Variants in PML observed in about 807,000 individuals in gnomAD.
The protein encoded by PML is PML nuclear body scaffold, also known as protein PML.
PML carries 28 observed loss-of-function variants against 65.2 expected under a neutral mutation model. That is an observed-to-expected ratio of 0.43 (90% CI 0.32 to 0.59). PML has a LOEUF of 0.59. Among genes scored for constraint, PML ranks in the 20% least tolerant of loss-of-function variants. PML has a pLI of 0.08. For missense variants in PML, 1,021 were observed against 1,203.4 expected (o/e 0.85, Z 2.24); for synonymous variants, 500 against 508.8 (o/e 0.98, Z 0.23).
At chr15:73,997,859 G>C in intron 1 of PML, 145 bp from the exon 2 acceptor site, 1 of 724,180 alleles carries the variant, frequency 1.4e-6, no homozygotes, top group East Asian at 2.7e-5. Context: ...TTGGGGTGCT[G>C]ATAAGCCAGG....
intron 4 of PML, chr15:74,028,102 G>A (rs373334757): frequency 6.6e-6 from 1 of 152,240 alleles, no homozygotes; most frequent in African/African-American, 2.4e-5. Context: ...TTTGGGTGGG[G>A]TGGCAGCAGC....
chr15:74,010,411 G>A (rs1451256782), intron 2 of PML, among the ~76,000 whole-genome samples: 9 of 151,054 alleles, frequency 6.0e-5, no homozygotes, highest in Non-Finnish European at 1.0e-4. Flanking sequence ...CAGCTACTAG[G>A]GAGACTGAGG....
intron 2 of PML, among the ~76,000 whole-genome samples, chr15:74,019,835 C>T (rs939582696): frequency 2.0e-5 from 3 of 152,162 alleles, no homozygotes; most frequent in African/African-American, 7.2e-5. Flanking sequence ...GGAGAATTTT[C>T]CTTATCAGTA....
At chr15:74,012,723 A>G (rs1021972215) in intron 2 of PML, among the ~76,000 whole-genome samples, 1 of 152,236 alleles carries the variant, frequency 6.6e-6, no homozygotes, top group African/African-American at 2.4e-5. Flanking sequence ...TTCCATGTCA[A>G]TAGGACTGTA....
chr15:74,033,471 C>T lies in PML; in HGVS notation c.1657+57C>T, dbSNP rs532693532. The T allele has an allele frequency of 1.5e-5, 24 of 1,595,192 alleles. No individual in the cohort carries two copies. In the African/African-American group the frequency reaches 3.1e-4, roughly 20 times the overall value. Reference sequence around the variant, plus strand: ...GCTGCCCGCCAGGGTCTGGGCGGTGCCCCTCTTCTGTATTTTGGCCCCATC... The same window carrying T: ...GCTGCCCGCCAGGGTCTGGGCGGTGTCCCTCTTCTGTATTTTGGCCCCATC... On this transcript the variant is annotated intron_variant, in intron 6 of 8. Coordinates refer to ENST00000268058, the MANE Select transcript of PML (RefSeq NM_033238.3).
intron 2 of PML, among the ~76,000 whole-genome samples, chr15:74,014,268 A>G (rs759963377): frequency 2.0e-5 from 3 of 152,182 alleles, no homozygotes; most frequent in Non-Finnish European, 4.4e-5. Context: ...TTTAGGAGCC[A>G]GCATTCTGCC....
At position 74,043,149 on chromosome 15, in the gene PML, C is replaced by T. The variant is rs756193172; in HGVS notation, c.1861+10C>T. 5.6e-6 allele frequency: 9 copies of T among 1,613,776 alleles called. No homozygotes were observed. The stretch of plus-strand genomic sequence containing the variant: ...AAGATTGACAATGAAAGTGGGTTCT[C>T]CTGGGGCTACCCCCACCCCTTTCTA... On this transcript the variant is annotated intron_variant, in intron 8 of 8. Coordinates refer to ENST00000268058, the MANE Select transcript of PML (RefSeq NM_033238.3). This position sits in a 1 kb window ranked among gnomAD's most constrained non-coding sequence, Gnocchi z 4.3.
intron 7 of PML, chr15:74,036,959 G>C: frequency 1.0e-6 from 1 of 985,298 alleles, no homozygotes; most frequent in South Asian, 4.7e-5. Flanking sequence ...CCAGCCCCGC[G>C]CACTCCCCAT....
rs1264687535 is a variant in PML at position 74,035,230 on chromosome 15, C to T, written c.1710+700C>T. On this transcript the variant is annotated intron_variant, in intron 7 of 8. Transcript: ENST00000268058. This position sits in a 1 kb window ranked among gnomAD's most constrained non-coding sequence, Gnocchi z 4.1. The stretch of plus-strand genomic sequence containing the variant: ...TCCTCGCCAGCCCACTCCTCGCCAG[C>T]CCACTCCTCGCCAGCCCACTCCTCG... 9 of 1,585,256 alleles carry T rather than the reference C, an allele frequency of 5.7e-6. No individual in the cohort carries two copies. Among genetic ancestry groups the T allele is most frequent in the Admixed American group, 1.7e-5 (1 of 59,946 alleles).
rs1381398033 is a variant in PML at position 74,043,679 on chromosome 15, A to G, written c.1861+540A>G. 6 of 530,544 alleles carry G rather than the reference A, an allele frequency of 1.1e-5. No individual in the cohort carries two copies. The highest frequency in any genetic ancestry group is 2.2e-5 in the Non-Finnish European group (6 of 267,390). The allele number at this position is 530,544 out of a possible 1,614,324, so 32.9% of individuals were successfully genotyped here. On this transcript the variant is annotated intron_variant, in intron 8 of 8. Coordinates refer to ENST00000268058, the MANE Select transcript of PML (RefSeq NM_033238.3). This position sits in a 1 kb window ranked among gnomAD's most constrained non-coding sequence, Gnocchi z 4.3. Reference sequence around the variant, plus strand: ...AGAGCCCCAGGCCCTACCCTGTGGCATGGACTCAACATTGGGGCTAGCCCA... The same window carrying G: ...AGAGCCCCAGGCCCTACCCTGTGGCGTGGACTCAACATTGGGGCTAGCCCA...
At chr15:74,040,394 A>C (rs1196665658) in intron 7 of PML, among the ~76,000 whole-genome samples, 1 of 152,006 alleles carries the variant, frequency 6.6e-6, no homozygotes, top group Non-Finnish European at 1.5e-5. Context: ...CTTCCAAGCA[A>C]ATCTAAGTCT....
intron 4 of PML, chr15:74,027,755 G>A (rs997779921): frequency 1.3e-5 from 2 of 152,242 alleles, no homozygotes; most frequent in Non-Finnish European, 2.9e-5. Context: ...CTAGGAAGCA[G>A]TTTGAACTTG....
intron 2 of PML, among the ~76,000 whole-genome samples, chr15:74,006,061 G>A (rs1169677641): frequency 6.6e-6 from 1 of 152,096 alleles, no homozygotes; most frequent in Non-Finnish European, 1.5e-5. Context: ...GTCCAGCTAG[G>A]TCCCTGTAAA....
intron 2 of PML, among the ~76,000 whole-genome samples, chr15:73,999,630 T>C (rs2069666774): frequency 6.6e-6 from 1 of 152,202 alleles, no homozygotes; most frequent in Non-Finnish European, 1.5e-5. Context: ...GTTGTTGTTG[T>C]TTCCGTTGAG....
In PML at chr15:74,035,301, T is replaced by C; in HGVS notation, c.1710+771T>C. The C allele has an allele frequency of 6.2e-7, 1 of 1,613,108 alleles. No individual in the cohort carries two copies. Among genetic ancestry groups the C allele is most frequent in the Non-Finnish European group, 8.5e-7 (1 of 1,179,950 alleles). On this transcript the variant is annotated intron_variant, in intron 7 of 8. Transcript: ENST00000268058. The surrounding 1 kb of genome is among the most constrained non-coding windows in gnomAD (Gnocchi z 4.1). ...AGCACAAGGAGCCTCCAGCCTGCCC[T>C]GTGGCACATACCACCCCCCAGCTTG...
At chr15:74,034,354 C>A in intron 6 of PML, 124 bp from the exon 7 acceptor site, 1 of 1,234,308 alleles carries the variant, frequency 8.1e-7, no homozygotes, top group Non-Finnish European at 1.2e-6. Flanking sequence ...TGTTCCCGTC[C>A]CCCTGCAGGG....
At chr15:74,010,889 G>C (rs1048901613) in intron 2 of PML, among the ~76,000 whole-genome samples, 1 of 152,126 alleles carries the variant, frequency 6.6e-6, no homozygotes, top group Non-Finnish European at 1.5e-5. Flanking sequence ...TAGCATTTGG[G>C]CTACACCTTG....
intron 2 of PML, among the ~76,000 whole-genome samples, chr15:74,002,444 C>CT (rs71137368): frequency 0.46 from 48,118 of 105,080 alleles, 11,401 homozygotes; most frequent in Non-Finnish European, 0.51. Flanking sequence ...TCTTTCTTTT[C>CT]TTTTTTTTTT....
At chr15:74,015,415 T>C (rs1399996459) in intron 2 of PML, among the ~76,000 whole-genome samples, 1 of 152,238 alleles carries the variant, frequency 6.6e-6, no homozygotes, top group Non-Finnish European at 1.5e-5. Context: ...AAGTGCCAAG[T>C]TGCTGCATGG....
Sources: allele counts gnomAD v4.1 joint callset (sites outside exome capture counted in the v4.1 genomes callset), GRCh38; gene constraint gnomAD v4.1.1; non-coding constraint Gnocchi (gnomAD v3.1); transcripts MANE v1.5; gene names NCBI Gene and HGNC (gene_info 2026-07-23, HGNC 2026-07-21).